The following HAUS1 variants were observed in gnomAD, a reference collection of about 807,000 sequenced individuals.
The protein encoded by HAUS1 is HAUS augmin like complex subunit 1.
In HAUS1, 25 loss-of-function variants were observed where a neutral mutation model predicts 38.6. The observed-to-expected ratio is 0.65, with a 90% confidence interval of 0.47 to 0.91. The LOEUF (loss-of-function observed/expected upper bound fraction) is 0.91. HAUS1 is among the 40% of genes least tolerant of loss of function. HAUS1 has a pLI of 0.00. For synonymous variants in HAUS1, 109 were observed against 112.9 expected, an observed-to-expected ratio of 0.97 and a Z score of 0.22; for missense variants, 325 against 328.4, an observed-to-expected ratio of 0.99 and a Z score of 0.08.
chr18:46,118,074 ATACCT>A, intron 2 of HAUS1, 102 bp from the exon 3 acceptor site: 1 of 1,030,170 alleles, frequency 9.7e-7, no homozygotes, highest in Non-Finnish European at 1.5e-6. Context: ...AATTACATAC[ATACCT>A]TAGGTGGGTG....
intron 8 of HAUS1, among the ~76,000 whole-genome samples, chr18:46,127,140 T>A (rs1912132272): frequency 6.6e-6 from 1 of 151,038 alleles, no homozygotes; most frequent in Non-Finnish European, 1.5e-5. Flanking sequence ...GGCCAAATTT[T>A]TGTATTTTTT....
At chr18:46,127,666 C>G (rs1912145961) in intron 8 of HAUS1, among the ~76,000 whole-genome samples, 1 of 150,900 alleles carries the variant, frequency 6.6e-6, no homozygotes, top group Admixed American at 6.6e-5. Context: ...CGAGATTGTC[C>G]CACTGTACTC....
chr18:46,122,420 T>C, intron 4 of HAUS1, 47 bp from the exon 5 acceptor site: 1 of 1,591,904 alleles, frequency 6.3e-7, no homozygotes, highest in Non-Finnish European at 8.6e-7. Flanking sequence ...ACAATACTTT[T>C]ACTGAGAAGA....
In HAUS1 at chr18:46,118,436, G is replaced by A. The variant is rs1911852758; in HGVS notation, c.341+120G>A. On this transcript the variant is annotated intron_variant, in intron 3 of 8. Transcript: ENST00000282058. ...CAATAAATACAAAGCACTGAATTTA[G>A]TTACTTCATGTCTTTGCCAGTGAGT... The A allele has an allele frequency of 9.5e-6, 8 of 839,912 alleles. No homozygotes were observed. The South Asian group carries it at 1.4e-4, about 14-fold the overall frequency. 52.0% of individuals were successfully genotyped at this position (839,912 alleles called of 1,614,324 possible). A position where few individuals can be genotyped will look rare whatever the true frequency, so the allele number is the denominator to read the frequency against.
chr18:46,127,996 C>A, intron 8 of HAUS1, 79 bp from the exon 9 acceptor site: 2 of 801,188 alleles, frequency 2.5e-6, no homozygotes, highest in Non-Finnish European at 1.9e-6. Context: ...TTTTTGCTTC[C>A]CTTATTTTAA....
At chr18:46,119,098 T>C (rs1016404788) in intron 3 of HAUS1, among the ~76,000 whole-genome samples, 2 of 152,158 alleles carry the variant, frequency 1.3e-5, no homozygotes, top group Non-Finnish European at 2.9e-5. Context: ...CTCAAACTCC[T>C]GACCTTGTGA....
chr18:46,107,738 A>T (rs1004376516), intron 2 of HAUS1, among the ~76,000 whole-genome samples: 6 of 152,198 alleles, frequency 3.9e-5, no homozygotes, highest in African/African-American at 9.6e-5. Flanking sequence ...AAAATAATCC[A>T]AATCATTTTT....
chr18:46,108,271 C>CT (rs1166729740), intron 2 of HAUS1, among the ~76,000 whole-genome samples: 11,722 of 115,218 alleles, frequency 0.1, 1,642 homozygotes, highest in African/African-American at 0.31. Flanking sequence ...GAATTTACTT[C>CT]TTTTTTTTTT....
intron 7 of HAUS1, 120 bp from the exon 8 acceptor site, chr18:46,125,624 T>C: frequency 1.6e-6 from 1 of 628,994 alleles, no homozygotes. Flanking sequence ...CAGTGTTATA[T>C]GTACATTGGG....
At chr18:46,104,543 C>G in intron 1 of HAUS1, 102 bp downstream of exon 1, 1 of 989,174 alleles carries the variant, frequency 1.0e-6, no homozygotes, top group African/African-American at 1.7e-5. Flanking sequence ...CTACTTTTCT[C>G]TCCCCTATTC....
In HAUS1 at chr18:46,128,111, A is replaced by T. The variant is rs1912160208; in HGVS notation, c.823A>T (p.Met275Leu). ...IEAELTRRVD[M>L]MEL ...AGCTGAACTTACAAGAAGAGTAGAC[A>T]TGATGGAACTGTGACAAAAGCCAAA... Residue 275 changes from methionine (M) to leucine (L), a missense_variant, in exon 9 of 9, where the codon ATG becomes TTG. Coordinates refer to ENST00000282058, the MANE Select transcript of HAUS1 (RefSeq NM_138443.4). 1 of 1,589,762 alleles carries T rather than the reference A, an allele frequency of 6.3e-7. No individual in the cohort carries two copies. The highest frequency in any genetic ancestry group is 1.2e-5 in the South Asian group (1 of 86,600).
intron 2 of HAUS1, among the ~76,000 whole-genome samples, chr18:46,110,859 T>A (rs1911612648): frequency 7.1e-6 from 1 of 141,742 alleles, no homozygotes; most frequent in African/African-American, 2.8e-5. Context: ...AGGTAGTTTT[T>A]TTTTTCTCTT....
chr18:46,119,688 A>C lies in HAUS1; in HGVS notation c.342-238A>C, dbSNP rs932882632. On this transcript the variant is annotated intron_variant, in intron 3 of 8. Transcript: ENST00000282058. Reference sequence around the variant, plus strand: ...GTATAGCTGGGTAGCACAGAGAAGGAGGTAGTTAATGCCAGGATGACAGGG... The same window carrying C: ...GTATAGCTGGGTAGCACAGAGAAGGCGGTAGTTAATGCCAGGATGACAGGG... Among the ~76,000 whole-genome samples, 3 of 152,300 alleles carry C rather than the reference A, an allele frequency of 2.0e-5. No homozygotes were observed. In the East Asian group the frequency reaches 5.8e-4, roughly 29 times the overall value.
intron 8 of HAUS1, 78 bp downstream of exon 8, chr18:46,125,869 T>C: frequency 1.2e-6 from 1 of 866,858 alleles, no homozygotes; most frequent in South Asian, 1.5e-5. Flanking sequence ...TTCTTCATCC[T>C]TCTTTCCTTT....
Position 46,118,210 on chromosome 18 carries a change from A to T in HAUS1, c.235A>T (p.Ser79Cys). The T allele has an allele frequency of 6.2e-7, 1 of 1,612,056 alleles. No individual in the cohort carries two copies. The highest frequency in any genetic ancestry group is 2.2e-5 in the East Asian group (1 of 44,874). ...AKYLQDLLME[S>C]VNFSPANLSS... is the part of the protein sequence containing the mutation. ...GTATCTTCAAGACCTTCTCATGGAG[A>T]GTGTGAATTTTTCCCCCGCCAATCT... The change falls in exon 3 of 9, where the codon AGT (serine) becomes TGT (cysteine). Residue 79 changes from serine (S) to cysteine (C), a missense_variant. Transcript: ENST00000282058.
intron 2 of HAUS1, among the ~76,000 whole-genome samples, chr18:46,114,173 A>C (rs7226736): frequency 0.12 from 18,719 of 152,186 alleles, 1,477 homozygotes; most frequent in East Asian, 0.39. Context: ...CTACAAACTA[A>C]TTGCCCTACA....
At chr18:46,120,529 C>T (rs1489349456) in intron 4 of HAUS1, among the ~76,000 whole-genome samples, 4 of 152,006 alleles carry the variant, frequency 2.6e-5, no homozygotes, top group Middle Eastern at 3.2e-3. Flanking sequence ...CCACTGCGCC[C>T]GGCCTGACTT....
In HAUS1 at chr18:46,110,941, T is replaced by G. The variant is rs146196292; in HGVS notation, c.205+5573T>G. Among the ~76,000 whole-genome samples, 520 of 149,122 alleles carry G rather than the reference T, an allele frequency of 3.5e-3. 1 individual carries two copies. Among genetic ancestry groups the G allele is most frequent in the African/African-American group, 0.012 (485 of 40,426 alleles). Reference sequence around the variant, plus strand: ...GCCCAGGCTGGAGTGCAGTGGCGCATTCTCGGCTCACTGCAACCTCTGCCT... The same window carrying G: ...GCCCAGGCTGGAGTGCAGTGGCGCAGTCTCGGCTCACTGCAACCTCTGCCT... On this transcript the variant is annotated intron_variant, in intron 2 of 8. Coordinates refer to ENST00000282058, the MANE Select transcript of HAUS1 (RefSeq NM_138443.4).
At chr18:46,122,229 T>G (rs1027240726) in intron 4 of HAUS1, among the ~76,000 whole-genome samples, 2 of 151,626 alleles carry the variant, frequency 1.3e-5, no homozygotes, top group African/African-American at 4.9e-5. Flanking sequence ...GAGGATCACT[T>G]CAGCCAAGGA....
Sources: gnomAD v4.1 joint callset for allele counts (sites outside exome capture counted in the v4.1 genomes callset) on GRCh38, gnomAD v4.1.1 for gene constraint, MANE v1.5 for transcripts, NCBI Gene and HGNC (gene_info 2026-07-23, HGNC 2026-07-21) for gene names.